The following CLSTN2 variants were observed in gnomAD, a reference collection of about 807,000 sequenced individuals.
CLSTN2 encodes the protein calsyntenin-2.
In CLSTN2, 48 loss-of-function variants were observed where a neutral mutation model predicts 101.2. The ratio of observed to expected loss-of-function variants is 0.47; its 90% CI spans 0.38 to 0.60. The LOEUF is 0.60. Among genes scored for constraint, CLSTN2 ranks in the 20% least tolerant of loss-of-function variants. CLSTN2 has a pLI of 0.00. For missense variants in CLSTN2, 1,160 were observed against 1,238.2 expected (o/e 0.94, Z 0.95); for synonymous variants, 481 against 463.6 (o/e 1.04, Z -0.48).
intron 6 of CLSTN2, among the ~76,000 whole-genome samples, chr3:140,450,747 C>T (rs931981771): frequency 6.6e-6 from 1 of 152,238 alleles, no homozygotes; most frequent in Non-Finnish European, 1.5e-5. Context: ...TACACACACA[C>T]AAGCACACAC....
chr3:140,359,345 T>C (rs960231895), intron 2 of CLSTN2, among the ~76,000 whole-genome samples: 1 of 152,206 alleles, frequency 6.6e-6, no homozygotes, highest in African/African-American at 2.4e-5. Context: ...GTATGTCACA[T>C]AATGAAGCCA....
chr3:140,270,743 G>T (rs1275766083), intron 2 of CLSTN2, among the ~76,000 whole-genome samples: 4 of 152,150 alleles, frequency 2.6e-5, no homozygotes, highest in Non-Finnish European at 5.9e-5. Context: ...CAGCATTTCT[G>T]GCGAATTTCC....
intron 5 of CLSTN2, among the ~76,000 whole-genome samples, chr3:140,422,274 C>T (rs1022508755): frequency 6.6e-6 from 1 of 152,042 alleles, no homozygotes. Flanking sequence ...TCACTCACAT[C>T]CCTGTAGGGA....
chr3:140,356,543 A>G lies in CLSTN2; in HGVS notation c.233-47086A>G, dbSNP rs911693659. ...GGGAGGCCAAGGTGGGCAGATCACA[A>G]GGTCAGGAGTTCGAGAACAGCCTGA... On this transcript the variant is annotated intron_variant, in intron 2 of 16. Coordinates refer to ENST00000458420, the MANE Select transcript of CLSTN2 (RefSeq NM_022131.3). Among the ~76,000 whole-genome samples, 3 of 152,212 alleles carry G rather than the reference A, an allele frequency of 2.0e-5. No individual in the cohort carries two copies. In the South Asian group the frequency reaches 6.2e-4, roughly 32 times the overall value.
At chr3:140,437,592 C>T (rs1037488902) in intron 5 of CLSTN2, among the ~76,000 whole-genome samples, 4 of 152,224 alleles carry the variant, frequency 2.6e-5, no homozygotes, top group Non-Finnish European at 5.9e-5. Context: ...GGGGCTCACA[C>T]TTGCCAACGG....
chr3:140,228,642 G>A (rs2086344517), intron 2 of CLSTN2, among the ~76,000 whole-genome samples: 1 of 152,130 alleles, frequency 6.6e-6, no homozygotes, highest in Admixed American at 6.6e-5. Context: ...CCAGAGACTG[G>A]GCAATTTACA....
chr3:140,002,246 T>C (rs1290570573), intron 1 of CLSTN2, among the ~76,000 whole-genome samples: 4 of 152,240 alleles, frequency 2.6e-5, no homozygotes, highest in Non-Finnish European at 5.9e-5. Flanking sequence ...GTCTTTTGGA[T>C]ATAAGTTATT....
At chr3:139,991,844 C>A (rs190236288) in intron 1 of CLSTN2, among the ~76,000 whole-genome samples, 87 of 152,326 alleles carry the variant, frequency 5.7e-4, no homozygotes, top group South Asian at 1.5e-3. Context: ...GTTATATAGC[C>A]TCTGTCTCTC....
At position 140,562,972 on chromosome 3, in the gene CLSTN2, C is replaced by T; in HGVS notation, c.2358+16C>T. 6.2e-7 allele frequency: 1 copy of T among 1,613,708 alleles called. No homozygotes were observed. Among genetic ancestry groups the T allele is most frequent in the African/African-American group, 1.3e-5 (1 of 75,028 alleles). On this transcript the variant is annotated intron_variant, in intron 14 of 16. Coordinates refer to ENST00000458420, the MANE Select transcript of CLSTN2 (RefSeq NM_022131.3). Reference sequence around the variant, plus strand: ...CAACTTGGAGGTGAGTGGGTCCTGCCATTGTTAGGGAAGCCAAGGCTCACC... The same window carrying T: ...CAACTTGGAGGTGAGTGGGTCCTGCTATTGTTAGGGAAGCCAAGGCTCACC...
Position 140,143,962 on chromosome 3 carries a change from G to A in CLSTN2, c.110-31989G>A, listed in dbSNP as rs72986150. ...TGATATCATGACTGACAACTTAATA[G>A]ATGTCTTTTGGAGTTGAATGTGCTC... On this transcript the variant is annotated intron_variant, in intron 1 of 16. Coordinates refer to ENST00000458420, the MANE Select transcript of CLSTN2 (RefSeq NM_022131.3). Among the ~76,000 whole-genome samples, 1,195 of 152,298 alleles carry A rather than the reference G, an allele frequency of 7.8e-3. 10 individuals carry two copies. Among genetic ancestry groups the A allele is most frequent in the African/African-American group, 0.027 (1,127 of 41,566 alleles).
At chr3:140,502,899 C>T (rs1022243250) in intron 8 of CLSTN2, among the ~76,000 whole-genome samples, 6 of 152,184 alleles carry the variant, frequency 3.9e-5, no homozygotes, top group Admixed American at 6.5e-5. Flanking sequence ...AGTTTATTAT[C>T]TTACAATCTT....
At chr3:140,507,737 G>A (rs1172393811) in intron 8 of CLSTN2, 2 of 151,984 alleles carry the variant, frequency 1.3e-5, no homozygotes, top group Admixed American at 6.6e-5. Flanking sequence ...ATTTATTTAC[G>A]TGAGTGTTTA....
intron 2 of CLSTN2, among the ~76,000 whole-genome samples, chr3:140,239,816 T>C (rs1440074559): frequency 1.3e-5 from 2 of 152,012 alleles, no homozygotes; most frequent in Non-Finnish European, 1.5e-5. Flanking sequence ...AAATACAACA[T>C]GATTTCAATG....
Position 140,444,430 on chromosome 3 carries a change from C to CAA in CLSTN2, c.788-4077_788-4076dup, listed in dbSNP as rs11391949. Among the ~76,000 whole-genome samples the CAA allele has an allele frequency of 6.8e-3, 977 of 143,252 alleles. 4 individuals carry two copies. Among genetic ancestry groups the CAA allele is most frequent in the Middle Eastern group, 0.038 (11 of 286 alleles). The allele number at this position is 143,252 out of a possible 152,430, so 94.0% of individuals were successfully genotyped here. ...GGGTGACAAGAGCAAAACTCCGTCT[C>CAA]AAAAAAAAAAAAATGCTACATGGCC... On this transcript the variant is annotated intron_variant, in intron 5 of 16. Coordinates refer to ENST00000458420, the MANE Select transcript of CLSTN2 (RefSeq NM_022131.3).
chr3:140,033,056 G>T (rs1462778653), intron 1 of CLSTN2, among the ~76,000 whole-genome samples: 1 of 152,084 alleles, frequency 6.6e-6, no homozygotes, highest in Non-Finnish European at 1.5e-5. Context: ...TTATTTCTGT[G>T]GTTTACTTAT....
chr3:140,497,875 C>T (rs1009576319), intron 8 of CLSTN2, among the ~76,000 whole-genome samples: 3 of 152,154 alleles, frequency 2.0e-5, no homozygotes, highest in Non-Finnish European at 4.4e-5. Context: ...ATGGAAGAAG[C>T]CTGTTTTTCC....
Position 140,558,816 on chromosome 3 carries a change from C to A in CLSTN2, c.2000C>A (p.Thr667Asn), listed in dbSNP as rs200466942. ...TTCCCTGATATCAAGATTGTGAGCA[C>A]CTTCGCCAAAACCGAAGCCCCCGGG... ...TLFPDIKIVS[T>N]FAKTEAPGDV... is the part of the protein sequence containing the mutation. The change falls in exon 12 of 17, where the codon ACC (threonine) becomes AAC (asparagine). Residue 667 changes from threonine to asparagine, a missense_variant. Thr to Asn is a moderately conservative substitution (Grantham distance 65, BLOSUM62 0). Coordinates refer to ENST00000458420, the MANE Select transcript of CLSTN2 (RefSeq NM_022131.3). 4.2e-4 allele frequency: 676 copies of A among 1,614,008 alleles called. No individual in the cohort carries two copies. Among genetic ancestry groups the A allele is most frequent in the Admixed American group, 1.6e-3 (97 of 60,012 alleles).
intron 2 of CLSTN2, among the ~76,000 whole-genome samples, chr3:140,235,316 C>T (rs2086406945): frequency 6.6e-6 from 1 of 152,126 alleles, no homozygotes; most frequent in Non-Finnish European, 1.5e-5. Flanking sequence ...ACAGTTCACG[C>T]CACCCTTATT....
intron 1 of CLSTN2, among the ~76,000 whole-genome samples, chr3:140,141,987 A>C (rs937271382): frequency 1.3e-5 from 2 of 152,234 alleles, no homozygotes; most frequent in Non-Finnish European, 2.9e-5. Context: ...ATAAGCAAAA[A>C]AATGGAACTG....
Sources: allele counts gnomAD v4.1 joint callset (sites outside exome capture counted in the v4.1 genomes callset), GRCh38; gene constraint gnomAD v4.1.1; transcripts MANE v1.5; gene names NCBI Gene and HGNC (gene_info 2026-07-23, HGNC 2026-07-21).